The following LRIG1 variants were observed in gnomAD, a reference collection of about 807,000 sequenced individuals.
LRIG1 encodes the protein leucine-rich repeats and immunoglobulin-like domains protein 1.
A neutral mutation model predicts 99.2 loss-of-function variants in LRIG1; 48 were observed. The ratio of observed to expected loss-of-function variants is 0.48; its 90% CI spans 0.38 to 0.62. The LOEUF (loss-of-function observed/expected upper bound fraction) is 0.62, where lower values mean the gene tolerates loss of function less well. Ranked by LOEUF, LRIG1 falls within the 20% of genes least tolerant of loss-of-function variation. The pLI is 0.00. For synonymous variants in LRIG1, 772 were observed against 596.1 expected (o/e 1.29, Z -4.30); for missense variants, 1,646 against 1,434.4 (o/e 1.15, Z -2.38).
intron 3 of LRIG1, among the ~76,000 whole-genome samples, chr3:66,440,249 G>C (rs1187022980): frequency 6.6e-6 from 1 of 152,104 alleles, no homozygotes; most frequent in Non-Finnish European, 1.5e-5. Flanking sequence ...CCACTAACTC[G>C]AGGTTTTGAT....
intron 3 of LRIG1, among the ~76,000 whole-genome samples, chr3:66,419,210 C>T (rs1702722610): frequency 6.6e-6 from 1 of 152,210 alleles, no homozygotes; most frequent in Non-Finnish European, 1.5e-5. Context: ...AGCCGTGGGA[C>T]AGCTGCAGGC....
At chr3:66,440,359 C>T (rs995987524) in intron 3 of LRIG1, among the ~76,000 whole-genome samples, 2 of 152,126 alleles carry the variant, frequency 1.3e-5, no homozygotes, top group Non-Finnish European at 2.9e-5. Context: ...TAGCACTTTG[C>T]TGCTTGCTGC....
Position 66,381,595 on chromosome 3 carries a change from G to A in LRIG1, c.2654C>T (p.Pro885Leu), listed in dbSNP as rs370284296. 1.9e-6 allele frequency: 3 copies of A among 1,614,078 alleles called. No individual in the cohort carries two copies. The highest frequency in any genetic ancestry group is 8.5e-7 in the Non-Finnish European group (1 of 1,179,928). Residue 885 changes from proline (P) to leucine (L), a missense_variant, in exon 17 of 19, where the codon CCC (proline) becomes CTC (leucine). Pro to Leu is a moderately conservative substitution (Grantham distance 98). Transcript: ENST00000273261. ...CPRDASHFPE[P>L]DTHSVACRQP... is the part of the protein sequence containing the mutation. ...CCTGCAGGCAACGCTGTGAGTGTCG[G>A]GCTCTGGAAAGTGGCTTGCATCTCT...
intron 3 of LRIG1, among the ~76,000 whole-genome samples, chr3:66,450,037 A>G (rs1439235721): frequency 6.6e-6 from 1 of 152,232 alleles, no homozygotes; most frequent in Non-Finnish European, 1.5e-5. Flanking sequence ...CTTTATGGAC[A>G]CACAACAGGT....
At chr3:66,381,424 C>T in intron 17 of LRIG1, 55 bp downstream of exon 17, 1 of 1,571,278 alleles carries the variant, frequency 6.4e-7, no homozygotes, top group Non-Finnish European at 8.7e-7. Flanking sequence ...GTGACTAGGT[C>T]AGCCCAAATT....
chr3:66,468,702 C>A (rs372520959), intron 1 of LRIG1, among the ~76,000 whole-genome samples: 1 of 152,034 alleles, frequency 6.6e-6, no homozygotes, highest in Non-Finnish European at 1.5e-5. Context: ...GTCAGCCACT[C>A]GTTAAAAAAT....
At chr3:66,384,593 A>G (rs1701270408) in intron 13 of LRIG1, among the ~76,000 whole-genome samples, 1 of 151,918 alleles carries the variant, frequency 6.6e-6, no homozygotes, top group African/African-American at 2.4e-5. Context: ...GGTAGGCCTG[A>G]TGCTTGCCTG....
chr3:66,444,167 T>G (rs1703641773), intron 3 of LRIG1, among the ~76,000 whole-genome samples: 1 of 152,194 alleles, frequency 6.6e-6, no homozygotes, highest in African/African-American at 2.4e-5. Flanking sequence ...ACCCACCGGC[T>G]GAGAGAGTAA....
At chr3:66,396,690 A>G (rs1188788458) in intron 11 of LRIG1, among the ~76,000 whole-genome samples, 2 of 152,182 alleles carry the variant, frequency 1.3e-5, no homozygotes, top group Non-Finnish European at 1.5e-5. Context: ...GGAAAATCTT[A>G]TCCTCCTCCC....
chr3:66,382,298 C>A lies in LRIG1; in HGVS notation c.2592G>T (p.Gln864His), dbSNP rs762490178. The A allele has an allele frequency of 6.2e-7, 1 of 1,614,174 alleles. No individual in the cohort carries two copies. The highest frequency in any genetic ancestry group is 1.7e-5 in the Admixed American group (1 of 60,028). The change falls in exon 16 of 19, where the codon CAG becomes CAT. Residue 864 changes from glutamine (Q) to histidine (H), a missense_variant. Physicochemically the swap from Gln to His is conservative, Grantham distance 24 (BLOSUM62 0). Coordinates refer to ENST00000273261, the MANE Select transcript of LRIG1 (RefSeq NM_015541.3). ...CATTGCTCTCAATGTGCCCATTGGC[C>A]TGAGGGCCACCCTCGGTCCTGACCA... ...ETVVRTEGGPQANGHIESNGV... is the reference protein window; with the variant it reads ...ETVVRTEGGPHANGHIESNGV...
At chr3:66,399,169 G>C (rs1575660064) in intron 9 of LRIG1, 128 bp from the exon 10 acceptor site, 1 of 748,068 alleles carries the variant, frequency 1.3e-6, no homozygotes, top group East Asian at 2.7e-5. Context: ...TGTCCAGTGA[G>C]GGGCAGGTGG....
intron 3 of LRIG1, among the ~76,000 whole-genome samples, chr3:66,428,810 C>A (rs943050602): frequency 6.6e-6 from 1 of 152,242 alleles, no homozygotes. Flanking sequence ...ACAGCCCAGC[C>A]TGGGTTATTT....
At chr3:66,434,338 G>A (rs955184828) in intron 3 of LRIG1, among the ~76,000 whole-genome samples, 3 of 152,124 alleles carry the variant, frequency 2.0e-5, no homozygotes, top group African/African-American at 4.8e-5. Flanking sequence ...AGAATCTACA[G>A]GTGGCAAACA....
Position 66,474,346 on chromosome 3 carries a change from T to TC in LRIG1, c.219-11838dup, listed in dbSNP as rs1491133863. Among the ~76,000 whole-genome samples the TC allele has an allele frequency of 3.4e-5, 5 of 149,220 alleles. No individual in the cohort carries two copies. In the East Asian group the frequency reaches 7.9e-4, roughly 23 times the overall value. The stretch of plus-strand genomic sequence containing the variant: ...CCTCTTCCACAAGGTCCATCTACGT[T>TC]CTTTTTTTTTTTTTTTGAAATGGAG... On this transcript the variant is annotated intron_variant, in intron 1 of 18. Transcript: ENST00000273261.
chr3:66,451,521 A>ACC (rs781074944), intron 3 of LRIG1, 38 bp downstream of exon 3: 2 of 1,592,872 alleles, frequency 1.3e-6, no homozygotes, highest in African/African-American at 2.7e-5. Flanking sequence ...CCATGGCCCC[A>ACC]CCACACAGCC....
intron 1 of LRIG1, 138 bp from the exon 2 acceptor site, chr3:66,462,647 T>C (rs1575709886): frequency 1.4e-5 from 9 of 661,828 alleles, no homozygotes; most frequent in Admixed American, 6.6e-5. Flanking sequence ...AGTAACCGTA[T>C]TGATACTGAG....
chr3:66,410,321 A>G, intron 6 of LRIG1, 49 bp from the exon 7 acceptor site: 1 of 1,547,126 alleles, frequency 6.5e-7, no homozygotes, highest in Non-Finnish European at 8.7e-7. Context: ...CACTCCCTTC[A>G]CTGGACAGAC....
chr3:66,481,828 A>G (rs73836305), intron 1 of LRIG1, among the ~76,000 whole-genome samples: 189 of 152,364 alleles, frequency 1.2e-3, no homozygotes, highest in African/African-American at 4.2e-3. Flanking sequence ...TTCAAAGCAC[A>G]TGCATACAAT....
chr3:66,474,607 A>G (rs1700676982), intron 1 of LRIG1, among the ~76,000 whole-genome samples: 1 of 152,036 alleles, frequency 6.6e-6, no homozygotes, highest in Non-Finnish European at 1.5e-5. Flanking sequence ...CGGCCTCCCA[A>G]AGTGCTGGGA....
Sources: gnomAD v4.1 joint callset for allele counts (sites outside exome capture counted in the v4.1 genomes callset) on GRCh38, gnomAD v4.1.1 for gene constraint, MANE v1.5 for transcripts, NCBI Gene and HGNC (gene_info 2026-07-23, HGNC 2026-07-21) for gene names.